Variants in ERC2 observed in about 807,000 individuals in gnomAD.
ERC2 encodes the protein ERC protein 2.
A neutral mutation model predicts 114.8 loss-of-function variants in ERC2; 42 were observed. That is an observed-to-expected ratio of 0.37 (90% CI 0.29 to 0.47). The LOEUF is 0.47. ERC2 is among the 20% of genes least tolerant of loss of function. ERC2 has a pLI of 0.99. For missense variants in ERC2, 939 were observed against 1,150.7 expected (o/e 0.82, Z 2.66); for synonymous variants, 454 against 425.5 (o/e 1.07, Z -0.82).
intron 17 of ERC2, among the ~76,000 whole-genome samples, chr3:55,533,591 G>A (rs56140442): frequency 0.15 from 23,134 of 152,218 alleles, 2,123 homozygotes; most frequent in Middle Eastern, 0.27. Context: ...AAGAAGAGAG[G>A]AGGTGAGAAA....
chr3:56,092,058 T>C (rs913122404), intron 6 of ERC2, among the ~76,000 whole-genome samples: 1 of 152,192 alleles, frequency 6.6e-6, no homozygotes, highest in African/African-American at 2.4e-5. Flanking sequence ...TTACAGTACA[T>C]GTTTCTCTTA....
At chr3:56,385,144 G>A (rs1016446047) in intron 2 of ERC2, among the ~76,000 whole-genome samples, 2 of 152,004 alleles carry the variant, frequency 1.3e-5, no homozygotes, top group Non-Finnish European at 2.9e-5. Flanking sequence ...CCATAAACTA[G>A]GTAGATTATT....
At chr3:55,810,255 A>G (rs1432356997) in intron 14 of ERC2, among the ~76,000 whole-genome samples, 2 of 152,188 alleles carry the variant, frequency 1.3e-5, no homozygotes, top group Non-Finnish European at 2.9e-5. Context: ...ACAACAAACT[A>G]TAATGTCATC....
intron 14 of ERC2, among the ~76,000 whole-genome samples, chr3:55,800,807 A>T (rs1192348751): frequency 6.6e-6 from 1 of 152,148 alleles, no homozygotes; most frequent in Non-Finnish European, 1.5e-5. Context: ...AGCAGAGTTG[A>T]GCTAATAGCA....
intron 7 of ERC2, among the ~76,000 whole-genome samples, chr3:56,032,889 G>A (rs13085274): frequency 0.027 from 2,368 of 86,662 alleles, 70 homozygotes; most frequent in Admixed American, 0.038. Context: ...GAAAGAAAGA[G>A]AGAGAGAGAG....
intron 3 of ERC2, among the ~76,000 whole-genome samples, chr3:56,211,874 G>A (rs191317894): frequency 6.6e-6 from 1 of 152,264 alleles, no homozygotes; most frequent in Non-Finnish European, 1.5e-5. Flanking sequence ...TTCAACAAAT[G>A]TTGCTGGGAT....
At chr3:55,696,409 C>T (rs916260583) in intron 16 of ERC2, among the ~76,000 whole-genome samples, 1 of 152,138 alleles carries the variant, frequency 6.6e-6, no homozygotes, top group African/African-American at 2.4e-5. Flanking sequence ...ATCAGGAATC[C>T]CTGAAAGAGA....
intron 6 of ERC2, among the ~76,000 whole-genome samples, chr3:56,107,146 T>C (rs2078706900): frequency 6.6e-6 from 1 of 152,076 alleles, no homozygotes; most frequent in Non-Finnish European, 1.5e-5. Flanking sequence ...AAGGCCAAGA[T>C]ATTGAAGGGG....
At chr3:55,562,486 T>C (rs1043106178) in intron 17 of ERC2, among the ~76,000 whole-genome samples, 5 of 152,144 alleles carry the variant, frequency 3.3e-5, no homozygotes, top group African/African-American at 1.2e-4. Flanking sequence ...CTAATTTGAG[T>C]TGAGTATTTG....
intron 8 of ERC2, among the ~76,000 whole-genome samples, chr3:56,011,144 T>G (rs1202999501): frequency 6.6e-6 from 1 of 152,234 alleles, no homozygotes; most frequent in Non-Finnish European, 1.5e-5. Context: ...CAGTCCATTG[T>G]GTATGTGATT....
intron 2 of ERC2, among the ~76,000 whole-genome samples, chr3:56,376,743 A>G (rs1019954107): frequency 7.1e-6 from 1 of 141,478 alleles, no homozygotes; most frequent in Admixed American, 7.5e-5. Flanking sequence ...AGCCTGGACA[A>G]CAGAGCAAGA....
chr3:55,981,788 C>A (rs2070159388), intron 12 of ERC2, among the ~76,000 whole-genome samples: 1 of 152,282 alleles, frequency 6.6e-6, no homozygotes, highest in Non-Finnish European at 1.5e-5. Flanking sequence ...TGAAGCCAGA[C>A]ATGACATCCA....
intron 13 of ERC2, among the ~76,000 whole-genome samples, chr3:55,928,490 C>A (rs985364819): frequency 6.6e-6 from 1 of 151,952 alleles, no homozygotes; most frequent in Non-Finnish European, 1.5e-5. Context: ...GTTGTTAGAG[C>A]TCCTTATATA....
intron 14 of ERC2, among the ~76,000 whole-genome samples, chr3:55,789,277 G>C (rs967438382): frequency 1.3e-5 from 2 of 152,196 alleles, no homozygotes; most frequent in Non-Finnish European, 2.9e-5. Context: ...CTGCTTCCTA[G>C]GGCCATGGAT....
chr3:55,816,517 AC>A (rs1372324353), intron 14 of ERC2, among the ~76,000 whole-genome samples: 1 of 152,168 alleles, frequency 6.6e-6, no homozygotes, highest in East Asian at 1.9e-4. Context: ...AAGAACAAGA[AC>A]AAAACCTGAT....
chr3:56,268,746 C>T (rs899988147), intron 3 of ERC2, among the ~76,000 whole-genome samples: 1 of 152,150 alleles, frequency 6.6e-6, no homozygotes, highest in Non-Finnish European at 1.5e-5. Flanking sequence ...CATTGAAAGA[C>T]CAAAATAGAA....
chr3:55,779,561 A>T (rs2149047246), intron 14 of ERC2, among the ~76,000 whole-genome samples: 1 of 152,208 alleles, frequency 6.6e-6, no homozygotes, highest in East Asian at 1.9e-4. Flanking sequence ...AAGCTGACGT[A>T]TCTTGGATAC....
At chr3:55,858,182 T>A (rs1442400375) in intron 14 of ERC2, among the ~76,000 whole-genome samples, 1 of 152,160 alleles carries the variant, frequency 6.6e-6, no homozygotes, top group Non-Finnish European at 1.5e-5. Flanking sequence ...TAAAAACAAG[T>A]AAAGATGGCT....
chr3:56,353,974 G>A (rs912227574), intron 2 of ERC2, among the ~76,000 whole-genome samples: 2 of 152,048 alleles, frequency 1.3e-5, no homozygotes, highest in East Asian at 3.9e-4. Context: ...GAAAACTGAG[G>A]CATAGAGAGG....
Sources: allele counts gnomAD v4.1 joint callset (sites outside exome capture counted in the v4.1 genomes callset), GRCh38; gene constraint gnomAD v4.1.1; transcripts MANE v1.5; gene names NCBI Gene and HGNC (gene_info 2026-07-23, HGNC 2026-07-21).